The following APBA1 variants were observed in gnomAD, a reference collection of about 807,000 sequenced individuals.
APBA1 encodes the protein amyloid beta precursor protein binding family A member 1.
In APBA1, 55 loss-of-function variants were observed where a neutral mutation model predicts 86.6. The ratio of observed to expected loss-of-function variants is 0.64; its 90% confidence interval spans 0.51 to 0.80. The LOEUF is 0.80. Ranked by LOEUF, APBA1 falls within the 30% of genes least tolerant of loss-of-function variation. APBA1 has a pLI of 0.00. For missense variants in APBA1, 1,090 were observed against 1,183.0 expected (o/e 0.92, Z 1.15); for synonymous variants, 511 against 493.9 (o/e 1.03, Z -0.46).
intron 1 of APBA1, among the ~76,000 whole-genome samples, chr9:69,552,940 G>C (rs565144598): frequency 8.1e-6 from 1 of 123,590 alleles, no homozygotes; most frequent in Non-Finnish European, 1.6e-5. Context: ...GTCTTACTCT[G>C]TTGTCCAGAC....
intron 2 of APBA1, among the ~76,000 whole-genome samples, chr9:69,496,171 G>A (rs1835791510): frequency 6.6e-6 from 1 of 152,110 alleles, no homozygotes; most frequent in Non-Finnish European, 1.5e-5. Flanking sequence ...GGTTCTGAAG[G>A]CAGGAGGCAG....
At chr9:69,555,917 C>A (rs2133933202) in intron 1 of APBA1, among the ~76,000 whole-genome samples, 1 of 152,180 alleles carries the variant, frequency 6.6e-6, no homozygotes, top group African/African-American at 2.4e-5. Context: ...GAATATTATC[C>A]ATTTATCTGT....
At chr9:69,446,104 G>A (rs763713247) in intron 10 of APBA1, among the ~76,000 whole-genome samples, 8 of 152,208 alleles carry the variant, frequency 5.3e-5, no homozygotes, top group South Asian at 2.1e-4. Flanking sequence ...GCAGTGGCCC[G>A]AGGGGTGGGG....
chr9:69,556,241 G>A (rs942009553), intron 1 of APBA1, among the ~76,000 whole-genome samples: 3 of 152,034 alleles, frequency 2.0e-5, no homozygotes, highest in Non-Finnish European at 4.4e-5. Context: ...GGAAAATATC[G>A]AATCAGTTCA....
chr9:69,528,862 G>A, intron 1 of APBA1, among the ~76,000 whole-genome samples: 1 of 151,912 alleles, frequency 6.6e-6, no homozygotes, highest in East Asian at 1.9e-4. Flanking sequence ...ACTGCCAAAG[G>A]AGATGAAAAC....
At chr9:69,656,510 G>A (rs1823614141) in intron 1 of APBA1, among the ~76,000 whole-genome samples, 1 of 152,160 alleles carries the variant, frequency 6.6e-6, no homozygotes. Context: ...TTAAGAACAG[G>A]CAAAACTGCT....
At chr9:69,654,113 A>C (rs1823561496) in intron 1 of APBA1, among the ~76,000 whole-genome samples, 1 of 79,804 alleles carries the variant, frequency 1.3e-5, no homozygotes, top group Admixed American at 1.0e-4. Context: ...ACTCCATCTC[A>C]AAAAAAAAAA....
At chr9:69,482,242 T>C (rs1188719196) in intron 2 of APBA1, among the ~76,000 whole-genome samples, 3 of 150,376 alleles carry the variant, frequency 2.0e-5, no homozygotes, top group South Asian at 2.1e-4. Context: ...GGGCTAATAT[T>C]CAGAATCTAC....
At chr9:69,651,914 C>T (rs1823511679) in intron 1 of APBA1, among the ~76,000 whole-genome samples, 1 of 152,172 alleles carries the variant, frequency 6.6e-6, no homozygotes, top group South Asian at 2.1e-4. Context: ...AGCCCAAACC[C>T]CCAATGTGAC....
intron 1 of APBA1, among the ~76,000 whole-genome samples, chr9:69,641,178 G>A (rs1391571304): frequency 6.6e-6 from 1 of 151,970 alleles, no homozygotes; most frequent in Non-Finnish European, 1.5e-5. Flanking sequence ...ATGAACAGCT[G>A]GAAGTTGAAA....
chr9:69,493,784 T>C (rs1835751619), intron 2 of APBA1, among the ~76,000 whole-genome samples: 1 of 151,974 alleles, frequency 6.6e-6, no homozygotes, highest in South Asian at 2.1e-4. Context: ...ATATACAGAG[T>C]GGGTCTGAAC....
intron 1 of APBA1, among the ~76,000 whole-genome samples, chr9:69,583,753 C>T (rs553721128): frequency 6.6e-5 from 10 of 152,160 alleles, no homozygotes; most frequent in Non-Finnish European, 1.2e-4. Flanking sequence ...CTCCTCTGCC[C>T]CAATTAGGGA....
intron 10 of APBA1, 144 bp from the exon 11 acceptor site, chr9:69,441,259 T>C (rs2133794606): frequency 9.9e-7 from 1 of 1,005,614 alleles, no homozygotes; most frequent in Non-Finnish European, 1.4e-6. Context: ...CTCTGGTGCC[T>C]GGGCTGGTAC....
chr9:69,636,186 C>T (rs1410885827), intron 1 of APBA1, among the ~76,000 whole-genome samples: 2 of 152,180 alleles, frequency 1.3e-5, no homozygotes, highest in African/African-American at 4.8e-5. Context: ...TAAGTGAAAA[C>T]TACAATGAGG....
At chr9:69,620,495 T>C (rs1319551448) in intron 1 of APBA1, among the ~76,000 whole-genome samples, 1 of 152,124 alleles carries the variant, frequency 6.6e-6, no homozygotes, top group Non-Finnish European at 1.5e-5. Flanking sequence ...CTAGCCAGCA[T>C]GGTGAAACCC....
intron 1 of APBA1, among the ~76,000 whole-genome samples, chr9:69,593,984 T>A (rs1822181398): frequency 6.6e-6 from 1 of 152,188 alleles, no homozygotes; most frequent in African/African-American, 2.4e-5. Flanking sequence ...TACATTTGCA[T>A]AACAGCAGAG....
At chr9:69,439,513 C>T (rs982995423) in intron 11 of APBA1, among the ~76,000 whole-genome samples, 6 of 152,176 alleles carry the variant, frequency 3.9e-5, no homozygotes, top group African/African-American at 7.2e-5. Flanking sequence ...CTAAAATCCT[C>T]TTTATGCTTC....
At position 69,516,215 on chromosome 9, in the gene APBA1, GCCGCCGCCCGCGGGGC is replaced by G; in HGVS notation, c.980_995del (p.Gly327AlafsTer29). 2.0e-6 allele frequency: 3 copies of G among 1,497,988 alleles called. No homozygotes were observed. Among genetic ancestry groups the G allele is most frequent in the Non-Finnish European group, 2.7e-6 (3 of 1,120,552 alleles). The allele number at this position is 1,497,988 out of a possible 1,614,324, so 92.8% of individuals were successfully genotyped here. ...CCTTGCTGTACCGCTGCCCCGCCTCGCCGCCGCCCGCGGGGCCCACCGCCCGCTGCTGCCCCGCCGG... is the reference window on the plus strand; with the variant it reads ...CCTTGCTGTACCGCTGCCCCGCCTCGCCACCGCCCGCTGCTGCCCCGCCGG... On this transcript the variant is annotated frameshift_variant, in exon 2 of 13. Transcript: ENST00000265381. LOFTEE classifies it high-confidence loss of function. This position sits in a 1 kb window ranked among gnomAD's most constrained non-coding sequence, Gnocchi z 7.3.
intron 1 of APBA1, among the ~76,000 whole-genome samples, chr9:69,562,245 A>G (rs565080420): frequency 9.2e-5 from 14 of 152,310 alleles, no homozygotes; most frequent in African/African-American, 3.1e-4. Flanking sequence ...CAACAATAAC[A>G]AAAGATACAA....
Sources: allele counts gnomAD v4.1 joint callset (sites outside exome capture counted in the v4.1 genomes callset), GRCh38; gene constraint gnomAD v4.1.1; non-coding constraint Gnocchi (gnomAD v3.1); transcripts MANE v1.5; gene names NCBI Gene and HGNC (gene_info 2026-07-23, HGNC 2026-07-21).